The following GOLGA6L25 variants were observed in gnomAD, a reference collection of about 807,000 sequenced individuals.
GOLGA6L25 encodes the protein golgin A6 family like 25, also known as golgin subfamily A member 6-like protein 25.
At chr15:28,558,273 A>C in the GOLGA6L25 span, among the ~76,000 whole-genome samples, 1 of 73,792 alleles carries the variant, frequency 1.4e-5, no homozygotes, top group African/African-American at 5.9e-5. Context: ...AGAAAGAAAA[A>C]CAAATGAGAC....
the GOLGA6L25 span, among the ~76,000 whole-genome samples, chr15:28,559,221 C>CGTTT: frequency 7.8e-6 from 1 of 128,978 alleles, no homozygotes; most frequent in African/African-American, 3.2e-5. Context: ...TTATAGATTA[C>CGTTT]ATTTATTTAT....
the GOLGA6L25 span, chr15:28,558,574 TG>T: frequency 2.4e-6 from 1 of 420,698 alleles, no homozygotes. Flanking sequence ...CAGGTGAGTG[TG>T]GGGAGAGGCT....
At chr15:28,562,996 T>TG in the GOLGA6L25 span, among the ~76,000 whole-genome samples, 1 of 55,486 alleles carries the variant, frequency 1.8e-5, no homozygotes, top group Non-Finnish European at 2.9e-5. Context: ...TGTTTTTGAT[T>TG]GGGGGCGGGG....
the GOLGA6L25 span, among the ~76,000 whole-genome samples, chr15:28,556,377 T>C: frequency 6.9e-6 from 1 of 145,564 alleles, no homozygotes. Flanking sequence ...AGTCGTGTGA[T>C]TTCTTTGCTC....
the GOLGA6L25 span, among the ~76,000 whole-genome samples, chr15:28,554,237 A>AC: frequency 2.1e-3 from 150 of 71,090 alleles, 4 homozygotes; most frequent in Middle Eastern, 0.013. Flanking sequence ...CAATTTTGTG[A>AC]CCCCCTCCCC....
the GOLGA6L25 span, among the ~76,000 whole-genome samples, chr15:28,558,237 T>A: frequency 3.0e-5 from 2 of 66,290 alleles, no homozygotes; most frequent in Non-Finnish European, 5.6e-5. Context: ...AGAATGAAAC[T>A]CTGCCAAAAA....
the GOLGA6L25 span, among the ~76,000 whole-genome samples, chr15:28,563,180 TA>T: frequency 9.8e-5 from 1 of 10,206 alleles, no homozygotes; most frequent in Non-Finnish European, 1.4e-4. Context: ...CTGCTCACTG[TA>T]ACCTCTGCCT....
chr15:28,559,398 C>T, the GOLGA6L25 span, among the ~76,000 whole-genome samples: 6 of 75,554 alleles, frequency 7.9e-5, no homozygotes, highest in African/African-American at 3.0e-4. Context: ...TGCCCACCAC[C>T]ACACCCAGCT....
At chr15:28,553,638 C>T in the GOLGA6L25 span, 1 of 588,774 alleles carries the variant, frequency 1.7e-6, no homozygotes, top group Non-Finnish European at 3.0e-6. Flanking sequence ...GATGTGGCCC[C>T]AACCCCACCT....
chr15:28,554,021 AC>A, the GOLGA6L25 span, among the ~76,000 whole-genome samples: 1 of 138,530 alleles, frequency 7.2e-6, no homozygotes, highest in East Asian at 2.1e-4. Flanking sequence ...ACCTCCTGCT[AC>A]CCCAAACCCG....
chr15:28,556,429 C>A, the GOLGA6L25 span, among the ~76,000 whole-genome samples: 2 of 116,610 alleles, frequency 1.7e-5, no homozygotes, highest in South Asian at 4.9e-4. Context: ...GATGTAGAGG[C>A]CCCAGGCTCA....
At chr15:28,553,999 T>TA in the GOLGA6L25 span, among the ~76,000 whole-genome samples, 1 of 134,746 alleles carries the variant, frequency 7.4e-6, no homozygotes, top group Non-Finnish European at 1.5e-5. Context: ...TCCAACTCCA[T>TA]ACTCCGCCCT....
At chr15:28,558,252 AAAAGAAAG>A in the GOLGA6L25 span, among the ~76,000 whole-genome samples, 2 of 64,154 alleles carry the variant, frequency 3.1e-5, no homozygotes, top group Non-Finnish European at 5.5e-5. Flanking sequence ...CAAAAAAAAA[AAAAGAAAG>A]AAAGAAAGAA....
At chr15:28,559,324 AG>A in the GOLGA6L25 span, among the ~76,000 whole-genome samples, 4 of 98,848 alleles carry the variant, frequency 4.0e-5, no homozygotes, top group African/African-American at 1.8e-4. Context: ...GCTCACTGCA[AG>A]CTCCACCCCC....
the GOLGA6L25 span, among the ~76,000 whole-genome samples, chr15:28,559,447 GTTAAC>G: frequency 5.1e-4 from 43 of 83,978 alleles, no homozygotes; most frequent in African/African-American, 2.3e-3. Context: ...GTTTCACTGT[GTTAAC>G]CAGGATGGTC....
the GOLGA6L25 span, chr15:28,560,822 C>CGGGAGCAGGAGGAGAAGATAT: frequency 3.2e-6 from 1 of 309,392 alleles, no homozygotes; most frequent in Non-Finnish European, 5.4e-6. Flanking sequence ...GGAGAAGATA[C>CGGGAGCAGGAGGAGAAGATAT]GGGAGCAGGA....
At chr15:28,559,176 A>AT in the GOLGA6L25 span, among the ~76,000 whole-genome samples, 5 of 107,400 alleles carry the variant, frequency 4.7e-5, no homozygotes, top group Admixed American at 1.0e-4. Context: ...GCTTAAAAAT[A>AT]TTTTTTTAAA....
chr15:28,559,238 A>ATTTC, the GOLGA6L25 span, among the ~76,000 whole-genome samples: 5 of 130,054 alleles, frequency 3.8e-5, no homozygotes, highest in African/African-American at 1.6e-4. Context: ...TTATTTATTT[A>ATTTC]TTTATTTATT....
At chr15:28,556,383 T>C in the GOLGA6L25 span, among the ~76,000 whole-genome samples, 1 of 144,552 alleles carries the variant, frequency 6.9e-6, no homozygotes, top group South Asian at 2.2e-4. Context: ...GTGATTTCTT[T>C]GCTCACGACA....
Sources: gnomAD v4.1 joint callset for allele counts (sites outside exome capture counted in the v4.1 genomes callset) on GRCh38, gnomAD v4.1.1 for gene constraint, MANE v1.5 for transcripts, NCBI Gene and HGNC (gene_info 2026-07-23, HGNC 2026-07-21) for gene names.